TMEM135: variants seen among roughly 807,000 people sequenced by gnomAD.
TMEM135 encodes the protein transmembrane protein 135.
Under a neutral mutation model 60.3 loss-of-function variants are expected in TMEM135, and 30 were observed. The ratio of observed to expected loss-of-function variants is 0.50; its 90% confidence interval spans 0.37 to 0.68. The LOEUF (loss-of-function observed/expected upper bound fraction) is 0.68, where lower values mean the gene tolerates loss of function less well. Among genes scored for constraint, TMEM135 ranks in the 30% least tolerant of loss-of-function variants. TMEM135 has a pLI of 0.00. For synonymous variants in TMEM135, 190 were observed against 186.7 expected, an observed-to-expected ratio of 1.02 and a Z score of -0.14; for missense variants, 468 against 548.8, an observed-to-expected ratio of 0.85 and a Z score of 1.47.
intron 5 of TMEM135, among the ~76,000 whole-genome samples, chr11:87,216,242 T>A (rs1044495578): frequency 6.6e-6 from 1 of 152,162 alleles, no homozygotes; most frequent in African/African-American, 2.4e-5. Context: ...TAGCTTGTAT[T>A]GCCAACATGA....
chr11:87,258,013 T>C (rs1941563329), intron 6 of TMEM135, among the ~76,000 whole-genome samples: 1 of 152,166 alleles, frequency 6.6e-6, no homozygotes, highest in Non-Finnish European at 1.5e-5. Flanking sequence ...AGTCCCTTTC[T>C]AAGAATACAT....
At chr11:87,072,254 G>A (rs1856785699) in intron 3 of TMEM135, among the ~76,000 whole-genome samples, 1 of 152,014 alleles carries the variant, frequency 6.6e-6, no homozygotes, top group South Asian at 2.1e-4. Context: ...AGCCATAATA[G>A]CATTTCACAC....
chr11:87,051,494 A>C (rs543057484), intron 1 of TMEM135, among the ~76,000 whole-genome samples: 1 of 67,300 alleles, frequency 1.5e-5, no homozygotes, highest in South Asian at 4.7e-4. Flanking sequence ...CAATGTACAA[A>C]AATCACAAGC....
At chr11:87,126,821 A>C (rs487366) in intron 4 of TMEM135, among the ~76,000 whole-genome samples, 71,916 of 151,400 alleles carry the variant, frequency 0.48, 17,302 homozygotes, top group East Asian at 0.67. Flanking sequence ...GTATGTGTTT[A>C]TAAAATTTAT....
At chr11:87,220,146 T>G (rs1275742598) in intron 5 of TMEM135, among the ~76,000 whole-genome samples, 1 of 152,182 alleles carries the variant, frequency 6.6e-6, no homozygotes, top group Non-Finnish European at 1.5e-5. Flanking sequence ...GGCTCCTAAC[T>G]TGATTAAGAT....
rs771732043 is a variant in TMEM135 at position 87,318,125 on chromosome 11, C to A, written c.1078-12C>A. The A allele has an allele frequency of 6.9e-6, 11 of 1,603,292 alleles. No individual in the cohort carries two copies. Among genetic ancestry groups the A allele is most frequent in the Non-Finnish European group, 8.5e-6 (10 of 1,171,570 alleles). On this transcript the variant is annotated splice_polypyrimidine_tract_variant and intron_variant, in intron 12 of 14. Coordinates refer to ENST00000305494, the MANE Select transcript of TMEM135 (RefSeq NM_022918.4). ...TTTTCTTTATAACTCTTGTCTTATG[C>A]TTGTTTTGCAGACAATGTATTTCAA...
At chr11:87,264,012 T>TA (rs543511871) in intron 6 of TMEM135, among the ~76,000 whole-genome samples, 65 of 152,048 alleles carry the variant, frequency 4.3e-4, no homozygotes, top group African/African-American at 1.5e-3. Flanking sequence ...AGAAGTTTGG[T>TA]AAAAAAATTC....
At chr11:87,224,869 A>G (rs1370414424) in intron 5 of TMEM135, among the ~76,000 whole-genome samples, 1 of 151,730 alleles carries the variant, frequency 6.6e-6, no homozygotes, top group Non-Finnish European at 1.5e-5. Context: ...TTACTCATGC[A>G]GTTTATCCTC....
At chr11:87,053,274 C>G (rs1487995212) in intron 1 of TMEM135, among the ~76,000 whole-genome samples, 2 of 128,786 alleles carry the variant, frequency 1.6e-5, no homozygotes, top group East Asian at 5.2e-4. Flanking sequence ...AAATTCGTGC[C>G]TCAATTTGTG....
intron 4 of TMEM135, among the ~76,000 whole-genome samples, chr11:87,144,773 A>G (rs541496254): frequency 6.9e-6 from 1 of 145,468 alleles, no homozygotes; most frequent in Non-Finnish European, 1.5e-5. Flanking sequence ...TTTTATTTAG[A>G]TTTTATAATT....
chr11:87,179,175 G>A (rs1939454802), intron 5 of TMEM135, among the ~76,000 whole-genome samples: 1 of 152,078 alleles, frequency 6.6e-6, no homozygotes, highest in African/African-American at 2.4e-5. Context: ...TACATTTTGT[G>A]AAATGTCTAT....
rs1370400967 is a variant in TMEM135 at position 87,328,260 on chromosome 11, A to G, written c.*6927A>G. 2 of 453,968 alleles carry G rather than the reference A, an allele frequency of 4.4e-6. No homozygotes were observed. Among genetic ancestry groups the G allele is most frequent in the African/African-American group, 4.0e-5 (2 of 50,000 alleles). The allele number at this position is 453,968 out of a possible 1,614,324, so 28.1% of individuals were successfully genotyped here. On this transcript the variant is annotated 3_prime_UTR_variant, in exon 15 of 15. Transcript: ENST00000305494. ...TCTCTTTTTCTCCACTCTTCTGTGT[A>G]TGCTAAAATACTGTCAATCTCGTCT...
chr11:87,297,680 A>C (rs1461846501), intron 7 of TMEM135, among the ~76,000 whole-genome samples: 1 of 152,198 alleles, frequency 6.6e-6, no homozygotes, highest in Non-Finnish European at 1.5e-5. Context: ...GCTAGTTTGG[A>C]CTATTTGCAC....
chr11:87,293,540 G>A (rs966460100), intron 6 of TMEM135, among the ~76,000 whole-genome samples: 3 of 152,054 alleles, frequency 2.0e-5, no homozygotes, highest in Non-Finnish European at 4.4e-5. Flanking sequence ...GCCCTGGTGT[G>A]TGTTGTTCCC....
intron 5 of TMEM135, among the ~76,000 whole-genome samples, chr11:87,220,115 A>C (rs1940585689): frequency 6.6e-6 from 1 of 152,184 alleles, no homozygotes; most frequent in South Asian, 2.1e-4. Context: ...ATCATGCTCC[A>C]CAAATGCCGG....
At chr11:87,077,585 A>G (rs954356122) in intron 3 of TMEM135, among the ~76,000 whole-genome samples, 12 of 152,302 alleles carry the variant, frequency 7.9e-5, no homozygotes, top group Admixed American at 4.6e-4. Context: ...CTGTTTTTGT[A>G]ATAGCTTTAT....
chr11:87,221,947 C>G (rs1457470994), intron 5 of TMEM135, among the ~76,000 whole-genome samples: 2 of 152,024 alleles, frequency 1.3e-5, no homozygotes, highest in African/African-American at 2.4e-5. Flanking sequence ...CCTGTAATCC[C>G]AGAACTTTGG....
At chr11:87,240,566 CT>C (rs777300613) in intron 6 of TMEM135, among the ~76,000 whole-genome samples, 3 of 151,950 alleles carry the variant, frequency 2.0e-5, no homozygotes, top group Non-Finnish European at 2.9e-5. Context: ...ATTACTAAAT[CT>C]TTTAATTAAG....
At chr11:87,247,878 C>T (rs11534584) in intron 6 of TMEM135, among the ~76,000 whole-genome samples, 4 of 151,642 alleles carry the variant, frequency 2.6e-5, no homozygotes, top group Non-Finnish European at 5.9e-5. Flanking sequence ...TGCACCCACT[C>T]TCTGGCACTC....
Sources: allele counts gnomAD v4.1 joint callset (sites outside exome capture counted in the v4.1 genomes callset), GRCh38; gene constraint gnomAD v4.1.1; transcripts MANE v1.5; gene names NCBI Gene and HGNC (gene_info 2026-07-23, HGNC 2026-07-21).